SLIT1: variants seen among roughly 807,000 people sequenced by gnomAD.
SLIT1 encodes slit guidance ligand 1, also known as slit homolog 1 protein.
Under a neutral mutation model 186.1 loss-of-function variants are expected in SLIT1, and 66 were observed. The observed-to-expected ratio is 0.35, with a 90% CI of 0.29 to 0.44. The LOEUF is 0.44. SLIT1 is among the 20% of genes least tolerant of loss of function. The pLI, the probability that SLIT1 is intolerant of heterozygous loss-of-function variation, is 1.00. For missense variants in SLIT1, 1,638 were observed against 2,037.4 expected (o/e 0.80, Z 3.77); for synonymous variants, 761 against 833.8 (o/e 0.91, Z 1.50).
rs1214909295 is a variant in SLIT1, at chr10:97,021,215, C to T, written c.2746+35G>A. The T allele has an allele frequency of 3.1e-6, 5 of 1,596,982 alleles. No individual in the cohort carries two copies. The highest frequency in any genetic ancestry group is 1.7e-4 in the Middle Eastern group (1 of 6,006). On this transcript the variant is annotated intron_variant, in intron 26 of 36. Transcript: ENST00000266058. This position sits in a 1 kb window ranked among gnomAD's most constrained non-coding sequence, Gnocchi z 4.5. ...TGCAGTGTTGGGCAAGTTCTGTGAG[C>T]CCCCAGCAGCAGGAGGCTGTGCTCC...
intron 13 of SLIT1, among the ~76,000 whole-genome samples, chr10:97,049,419 C>CT (rs1848767916): frequency 6.6e-6 from 1 of 152,238 alleles, no homozygotes. Context: ...TTCCCTCTCT[C>CT]TGCCCTGGGA....
Position 97,013,814 on chromosome 10 carries a change from C to G in SLIT1, c.3130G>C (p.Val1044Leu). ...TTCAGATCCGGAGAGCACAAGTCCA[C>G]CAGCTGCTCACAGGCCTTTCCTGGG... Reference protein sequence around the residue: ...QYEGKACEQLVDLCSPDLNPC... With the variant: ...QYEGKACEQLLDLCSPDLNPC... Residue 1044 changes from valine to leucine, a missense_variant, in exon 30 of 37, where the codon GTG (valine) becomes CTG (leucine). Physicochemically the swap from Val to Leu is conservative, Grantham distance 32. Around this residue, in one of 3 missense-constraint regions of SLIT1, gnomAD observed 1,245 missense variants for 1,535.3 expected, o/e 0.81. Transcript: ENST00000266058. 1 of 1,551,670 alleles carries G rather than the reference C, an allele frequency of 6.4e-7. No homozygotes were observed. The highest frequency in any genetic ancestry group is 8.7e-7 in the Non-Finnish European group (1 of 1,146,988).
intron 7 of SLIT1, among the ~76,000 whole-genome samples, chr10:97,063,829 C>G (rs1242851624): frequency 6.6e-6 from 1 of 152,170 alleles, no homozygotes; most frequent in East Asian, 1.9e-4. Flanking sequence ...CCCACATGCT[C>G]TGGGCACAGC....
Position 97,057,207 on chromosome 10 carries a change from T to C in SLIT1, c.1157+3A>G. On this transcript the variant is annotated splice_donor_region_variant and intron_variant, in intron 12 of 36. Transcript: ENST00000266058. The stretch of plus-strand genomic sequence containing the variant: ...ACCCAAGACACCCAGGATTCGTTCT[T>C]ACAGGAGCTGTAGGGTGTATAGGCC... 6.2e-7 allele frequency: 1 copy of C among 1,613,108 alleles called. No homozygotes were observed. Among genetic ancestry groups the C allele is most frequent in the Non-Finnish European group, 8.5e-7 (1 of 1,179,266 alleles).
At chr10:97,162,474 G>C (rs182976686) in intron 3 of SLIT1, among the ~76,000 whole-genome samples, 6 of 152,090 alleles carry the variant, frequency 3.9e-5, no homozygotes, top group Admixed American at 3.9e-4. Flanking sequence ...TTAGCCAGGC[G>C]TGGTGGCATG....
At chr10:97,139,062 C>T (rs1041864678) in intron 4 of SLIT1, among the ~76,000 whole-genome samples, 2 of 152,176 alleles carry the variant, frequency 1.3e-5, no homozygotes, top group African/African-American at 2.4e-5. Flanking sequence ...ATGAGTTGGT[C>T]GGGTGAATGA....
At chr10:97,140,660 C>A (rs1020863862) in intron 4 of SLIT1, among the ~76,000 whole-genome samples, 3 of 152,202 alleles carry the variant, frequency 2.0e-5, no homozygotes, top group Admixed American at 6.5e-5. Context: ...GCCCCAAAGA[C>A]AACTACGTGG....
intron 4 of SLIT1, among the ~76,000 whole-genome samples, chr10:97,073,690 G>C (rs1849021316): frequency 6.6e-6 from 1 of 152,340 alleles, no homozygotes; most frequent in African/African-American, 2.4e-5. Context: ...GGAGAGGCCA[G>C]GGTGCTGAGG....
chr10:97,087,787 G>T (rs548521553), intron 4 of SLIT1, among the ~76,000 whole-genome samples: 130 of 152,224 alleles, frequency 8.5e-4, no homozygotes, highest in Non-Finnish European at 1.7e-3. Flanking sequence ...AGAGCTGGGC[G>T]CTGGGGGGAT....
At chr10:97,106,387 A>AAT (rs141998162) in intron 4 of SLIT1, among the ~76,000 whole-genome samples, 2 of 145,030 alleles carry the variant, frequency 1.4e-5, no homozygotes, top group East Asian at 2.0e-4. Flanking sequence ...AGAGACAGAG[A>AAT]GAATGAATGA....
chr10:97,061,989 AG>A (rs1848897603), intron 8 of SLIT1, among the ~76,000 whole-genome samples: 1 of 152,234 alleles, frequency 6.6e-6, no homozygotes, highest in Non-Finnish European at 1.5e-5. Flanking sequence ...TCAAAGGAAA[AG>A]GGTTGCCAGG....
chr10:97,076,407 G>A (rs1849046141), intron 4 of SLIT1, among the ~76,000 whole-genome samples: 2 of 152,208 alleles, frequency 1.3e-5, no homozygotes, highest in African/African-American at 4.8e-5. Context: ...GCTGCTCAGA[G>A]ATGCTCCTGG....
rs1283071459 is a variant in SLIT1 at position 96,998,602 on chromosome 10, A to C, written c.*2510T>G. ...ACTTTCAAGCGGAGTGTGAATAGGC[A>C]ACGTGAGTGCTGACTCAGGTCCTTA... On this transcript the variant is annotated 3_prime_UTR_variant, in exon 37 of 37. Coordinates refer to ENST00000266058, the MANE Select transcript of SLIT1 (RefSeq NM_003061.3). 1.3e-5 allele frequency: 2 copies of C among 152,294 alleles called. No individual in the cohort carries two copies. 9.4% of individuals were successfully genotyped at this position (152,294 alleles called of 1,614,324 possible). A position where few individuals can be genotyped will look rare whatever the true frequency, so the allele number is the denominator to read the frequency against.
intron 4 of SLIT1, among the ~76,000 whole-genome samples, chr10:97,078,690 A>G (rs967359710): frequency 3.3e-5 from 5 of 152,248 alleles, no homozygotes; most frequent in African/African-American, 4.8e-5. Flanking sequence ...AGTGGCAGAC[A>G]TGAGTCCCAG....
chr10:97,028,355 T>C (rs2134606889), intron 25 of SLIT1, among the ~76,000 whole-genome samples: 1 of 152,280 alleles, frequency 6.6e-6, no homozygotes, highest in African/African-American at 2.4e-5. Context: ...ACAATTCCCT[T>C]TCTTTACACA....
intron 4 of SLIT1, among the ~76,000 whole-genome samples, chr10:97,112,128 C>T (rs1441758158): frequency 6.6e-6 from 1 of 152,216 alleles, no homozygotes; most frequent in Non-Finnish European, 1.5e-5. Flanking sequence ...CTGTCCTTCC[C>T]TTCGTCACCT....
chr10:97,118,853 G>C (rs758512781), intron 4 of SLIT1, among the ~76,000 whole-genome samples: 1 of 152,220 alleles, frequency 6.6e-6, no homozygotes, highest in Non-Finnish European at 1.5e-5. Flanking sequence ...CATATAAAAT[G>C]TTAGCCATGA....
At chr10:97,030,486 C>T (rs1462976510) in intron 25 of SLIT1, among the ~76,000 whole-genome samples, 2 of 152,196 alleles carry the variant, frequency 1.3e-5, no homozygotes, top group East Asian at 3.8e-4. Flanking sequence ...GTGAGGCGCA[C>T]ATTAGCTGAG....
chr10:97,146,099 C>T (rs1175676283), intron 4 of SLIT1, among the ~76,000 whole-genome samples: 1 of 152,162 alleles, frequency 6.6e-6, no homozygotes, highest in Non-Finnish European at 1.5e-5. Flanking sequence ...CATCAGAGAG[C>T]CAGTGTTGCA....
Sources: gnomAD v4.1 joint callset for allele counts (sites outside exome capture counted in the v4.1 genomes callset) on GRCh38, gnomAD v4.1.1 for gene constraint, gnomAD v4.1.1 regional missense constraint, Gnocchi (gnomAD v3.1) non-coding constraint, MANE v1.5 for transcripts, NCBI Gene and HGNC (gene_info 2026-07-23, HGNC 2026-07-21) for gene names.